SLC7A5: variants seen among roughly 807,000 people sequenced by gnomAD.
SLC7A5 encodes solute carrier family 7 member 5.
In SLC7A5, 23 loss-of-function variants were observed where a neutral mutation model predicts 50.2. The ratio of observed to expected loss-of-function variants is 0.46; its 90% CI spans 0.33 to 0.65. The LOEUF (loss-of-function observed/expected upper bound fraction) is 0.65, where lower values mean the gene tolerates loss of function less well. Among genes scored for constraint, SLC7A5 ranks in the 30% least tolerant of loss-of-function variants. SLC7A5 has a pLI of 0.02. For missense variants in SLC7A5, 578 were observed against 684.4 expected (o/e 0.84, Z 1.73); for synonymous variants, 393 against 330.6 (o/e 1.19, Z -2.05).
At chr16:87,866,828 A>T (rs1217140726) in intron 1 of SLC7A5, among the ~76,000 whole-genome samples, 1 of 152,020 alleles carries the variant, frequency 6.6e-6, no homozygotes, top group African/African-American at 2.4e-5. Context: ...TTAGAAAGAG[A>T]AAACTAGGCA....
At position 87,852,208 on chromosome 16, in the gene SLC7A5, T is replaced by C. The variant is rs980092640; in HGVS notation, c.539-359A>G. ...AGGTGAGCAAGGTGACCCTGCCACT[T>C]GGAAGGCGCCCATTACACCTTTTTG... On this transcript the variant is annotated intron_variant, in intron 1 of 9. Transcript: ENST00000261622. The surrounding 1 kb of genome is among the most constrained non-coding windows in gnomAD (Gnocchi z 4.5). Among the ~76,000 whole-genome samples the C allele has an allele frequency of 6.6e-6, 1 of 152,130 alleles. No homozygotes were observed. Among genetic ancestry groups the C allele is most frequent in the Non-Finnish European group, 1.5e-5 (1 of 68,006 alleles).
At chr16:87,857,197 G>A (rs1041386945) in intron 1 of SLC7A5, among the ~76,000 whole-genome samples, 7 of 151,950 alleles carry the variant, frequency 4.6e-5, no homozygotes, top group South Asian at 2.1e-4. Flanking sequence ...AAGCAGTTCC[G>A]GGGCAGGGAA....
intron 1 of SLC7A5, among the ~76,000 whole-genome samples, chr16:87,857,689 G>T (rs1196514730): frequency 6.6e-6 from 1 of 152,212 alleles, no homozygotes; most frequent in Non-Finnish European, 1.5e-5. Context: ...ACAGAGAGAT[G>T]ATCCCAAGGC....
rs1418173823 is a variant in SLC7A5 at position 87,861,025 on chromosome 16, C to T, written c.538+7860G>A. On this transcript the variant is annotated intron_variant, in intron 1 of 9. Transcript: ENST00000261622. This position sits in a 1 kb window ranked among gnomAD's most constrained non-coding sequence, Gnocchi z 4.2. ...GAAGGAGACGCTGTGGGGGGCCCTC[C>T]TGTTGGAAAAGGGCAGCAGCGGGAA... Among the ~76,000 whole-genome samples, 1 of 152,206 alleles carries T rather than the reference C, an allele frequency of 6.6e-6. No individual in the cohort carries two copies.
At position 87,838,678 on chromosome 16, in the gene SLC7A5, G is replaced by A. The variant is rs372318055; in HGVS notation, c.1043+36C>T. ...TGTTGAACCTGGCCATGAGGCCTGG[G>A]CCTCCCTCACCTGTGGTGGGTCGGG... is the stretch of plus-strand genomic sequence containing the variant. On this transcript the variant is annotated intron_variant, in intron 6 of 9. Transcript: ENST00000261622. The A allele has an allele frequency of 2.7e-6, 4 of 1,497,462 alleles. No individual in the cohort carries two copies. In the African/African-American group the frequency reaches 5.5e-5, roughly 21 times the overall value. 92.8% of individuals were successfully genotyped at this position (1,497,462 alleles called of 1,614,324 possible). A position where few individuals can be genotyped will look rare whatever the true frequency, so the allele number is the denominator to read the frequency against.
At chr16:87,867,854 G>A (rs2055482389) in intron 1 of SLC7A5, among the ~76,000 whole-genome samples, 1 of 152,118 alleles carries the variant, frequency 6.6e-6, no homozygotes, top group Non-Finnish European at 1.5e-5. Flanking sequence ...GGTGGCTCAC[G>A]CCTGTAATCC....
At chr16:87,859,521 C>T (rs138789180) in intron 1 of SLC7A5, among the ~76,000 whole-genome samples, 1 of 152,280 alleles carries the variant, frequency 6.6e-6, no homozygotes, top group East Asian at 1.9e-4. Flanking sequence ...CTCCTATTGC[C>T]AAAGGGATAT....
chr16:87,839,963 G>C, intron 4 of SLC7A5, 138 bp from the exon 5 acceptor site: 1 of 1,182,294 alleles, frequency 8.5e-7, no homozygotes, highest in Non-Finnish European at 1.2e-6. Flanking sequence ...GTGGGAAGCA[G>C]CAAGAGAACA....
intron 2 of SLC7A5, 33 bp downstream of exon 2, chr16:87,851,691 G>A: frequency 6.2e-7 from 1 of 1,603,570 alleles, no homozygotes; most frequent in Non-Finnish European, 8.5e-7. Flanking sequence ...AAGCCTCGAG[G>A]GGCCGCCGGT....
intron 7 of SLC7A5, 117 bp downstream of exon 7, chr16:87,837,728 T>G: frequency 1.3e-6 from 1 of 798,402 alleles, no homozygotes; most frequent in Non-Finnish European, 2.1e-6. Context: ...GGAGGCCACA[T>G]TTGAGCTGTC....
In SLC7A5 at chr16:87,851,796, C is replaced by T. The variant is rs1567496415; in HGVS notation, c.592G>A (p.Asp198Asn). The T allele has an allele frequency of 1.9e-6, 3 of 1,613,028 alleles. No homozygotes were observed. Among genetic ancestry groups the T allele is most frequent in the Admixed American group, 1.7e-5 (1 of 59,986 alleles). Residue 198 changes from aspartate (D) to asparagine (N), a missense_variant, in exon 2 of 10, where the codon GAT becomes AAT. Asp to Asn is a conservative substitution (Grantham distance 23). Coordinates refer to ENST00000261622, the MANE Select transcript of SLC7A5 (RefSeq NM_003486.7). ...YSVKAATRVQ[D>N]AFAAAKLLAL... Reference sequence around the variant, plus strand: ...AGGAGCTTGGCGGCGGCAAAGGCATCCTGGACCCGGGTGGCGGCCTTCACG... The same window carrying T: ...AGGAGCTTGGCGGCGGCAAAGGCATTCTGGACCCGGGTGGCGGCCTTCACG...
intron 7 of SLC7A5, chr16:87,837,539 C>G: frequency 2.4e-6 from 1 of 424,056 alleles, no homozygotes. Flanking sequence ...GAGAAACGAA[C>G]AGAGTGGGCG....
chr16:87,868,800 G>A, intron 1 of SLC7A5, 85 bp downstream of exon 1: 4 of 1,351,256 alleles, frequency 3.0e-6, no homozygotes, highest in Non-Finnish European at 4.1e-6. Context: ...ATGTAGAGAT[G>A]TGGGAGCCAG....
At chr16:87,846,680 C>G (rs946178595) in intron 2 of SLC7A5, among the ~76,000 whole-genome samples, 2 of 152,186 alleles carry the variant, frequency 1.3e-5, no homozygotes, top group African/African-American at 4.8e-5. Context: ...GGGTCCCTGG[C>G]CTGGCGGGGC....
chr16:87,835,756 G>T (rs1418742293), intron 8 of SLC7A5, among the ~76,000 whole-genome samples: 1 of 152,164 alleles, frequency 6.6e-6, no homozygotes, highest in South Asian at 2.1e-4. Context: ...TTACAGGCGT[G>T]AGCCACCGCG....
chr16:87,857,092 C>T (rs769289699), intron 1 of SLC7A5, among the ~76,000 whole-genome samples: 16 of 152,258 alleles, frequency 1.1e-4, no homozygotes, highest in Non-Finnish European at 1.6e-4. Flanking sequence ...GCTGGAATGC[C>T]AAGCCTGCCC....
chr16:87,849,306 T>C (rs142295455), intron 2 of SLC7A5, among the ~76,000 whole-genome samples: 1 of 152,266 alleles, frequency 6.6e-6, no homozygotes, highest in African/African-American at 2.4e-5. Context: ...AAGGCATTCA[T>C]CTGGTAACAA....
At chr16:87,846,419 C>T (rs2055154736) in intron 2 of SLC7A5, among the ~76,000 whole-genome samples, 1 of 152,250 alleles carries the variant, frequency 6.6e-6, no homozygotes, top group South Asian at 2.1e-4. Flanking sequence ...TATTTCCTGC[C>T]AGGAGAGCGG....
rs1282180666 is a variant in SLC7A5, at chr16:87,860,868, C to T, written c.538+8017G>A. ...GCGGGCAATGCCAGAGAACGGTCCC[C>T]ACCTGGGGTGGTCTGACGGCCAGGG... On this transcript the variant is annotated intron_variant, in intron 1 of 9. Transcript: ENST00000261622. This position sits in a 1 kb window ranked among gnomAD's most constrained non-coding sequence, Gnocchi z 4.8. 6.6e-6 allele frequency among the ~76,000 whole-genome samples: 1 copy of T among 152,234 alleles called. No individual in the cohort carries two copies. Among genetic ancestry groups the T allele is most frequent in the African/African-American group, 2.4e-5 (1 of 41,474 alleles).
Sources: allele counts gnomAD v4.1 joint callset (sites outside exome capture counted in the v4.1 genomes callset), GRCh38; gene constraint gnomAD v4.1.1; non-coding constraint Gnocchi (gnomAD v3.1); transcripts MANE v1.5; gene names NCBI Gene and HGNC (gene_info 2026-07-23, HGNC 2026-07-21).